The following CUX1 variants were observed in gnomAD, a reference collection of about 807,000 sequenced individuals.
The protein encoded by CUX1 is protein CASP.
In CUX1, 31 loss-of-function variants were observed where a neutral mutation model predicts 158.8. The ratio of observed to expected loss-of-function variants is 0.20; its 90% CI spans 0.15 to 0.26. The LOEUF (loss-of-function observed/expected upper bound fraction) is 0.26. Among genes scored for constraint, CUX1 ranks in the 10% least tolerant of loss-of-function variants. The probability of loss-of-function intolerance (pLI) is 1.00; values close to 1 mark genes in which losing one functional copy is unlikely to be tolerated. For missense variants in CUX1, 1,589 were observed against 2,014.6 expected, an observed-to-expected ratio of 0.79 and a Z score of 4.04; for synonymous variants, 879 against 862.1, an observed-to-expected ratio of 1.02 and a Z score of -0.34.
intron 7 of CUX1, among the ~76,000 whole-genome samples, chr7:102,113,672 C>T (rs1417926743): frequency 1.3e-5 from 2 of 152,196 alleles, no homozygotes; most frequent in Admixed American, 6.5e-5. Context: ...ATCCTCCTGC[C>T]TCAGCCTCCC....
chr7:101,915,169 G>C (rs1036022319), intron 1 of CUX1, among the ~76,000 whole-genome samples: 2 of 152,178 alleles, frequency 1.3e-5, no homozygotes, highest in Non-Finnish European at 2.9e-5. Context: ...AGGAAAACAG[G>C]CCTTTTGGTG....
Position 102,253,645 on chromosome 7 carries a change from G to A in CUX1, c.*4603G>A. 1.0e-6 allele frequency: 1 copy of A among 985,068 alleles called. No individual in the cohort carries two copies. Among genetic ancestry groups the A allele is most frequent in the Non-Finnish European group, 1.2e-6 (1 of 829,898 alleles). The allele number at this position is 985,068 out of a possible 1,614,324, so 61.0% of individuals were successfully genotyped here. ...ATGTCCTTCTGGGAGTCACACAAAA[G>A]CAGAGAGATTTTGAACTGAGGGGCG... On this transcript the variant is annotated 3_prime_UTR_variant, in exon 24 of 24. Transcript: ENST00000292535.
rs190218319 is a variant in CUX1, at chr7:102,235,327, G to A, written c.3622+1087G>A. On this transcript the variant is annotated intron_variant, in intron 22 of 23. Coordinates refer to ENST00000292535, the MANE Select transcript of CUX1 (RefSeq NM_181552.4). ...ACTGCATCCCTTAGGGGCAGAGACT[G>A]GGAACCAGCTGCTGCCGGTCTGACC... 2.5e-3 allele frequency among the ~76,000 whole-genome samples: 386 copies of A among 152,320 alleles called. 7 individuals are homozygous for A. Among genetic ancestry groups the A allele is most frequent in the Admixed American group, 0.022 (344 of 15,302 alleles).
intron 1 of CUX1, among the ~76,000 whole-genome samples, chr7:101,831,734 T>TTTATTTTTATTATTATTATTA (rs1794041484): frequency 6.8e-6 from 1 of 147,362 alleles, no homozygotes; most frequent in Admixed American, 6.8e-5. Context: ...GAGAAATAAC[T>TTTATTTTTATTATTATTATTA]TTATTATTAT....
chr7:102,279,128 G>T (rs1554548547), intron 18 of CUX1, among the ~76,000 whole-genome samples: 1 of 152,008 alleles, frequency 6.6e-6, no homozygotes, highest in Non-Finnish European at 1.5e-5. Context: ...ATCATTTGAG[G>T]TCAGGAGTTC....
At chr7:102,080,658 G>A (rs1401018619) in intron 4 of CUX1, among the ~76,000 whole-genome samples, 5 of 151,972 alleles carry the variant, frequency 3.3e-5, no homozygotes, top group African/African-American at 7.3e-5. Context: ...CAGTCTCCTC[G>A]CCACCCTGCG....
chr7:102,037,278 C>G (rs1401534821), intron 3 of CUX1, among the ~76,000 whole-genome samples: 1 of 151,988 alleles, frequency 6.6e-6, no homozygotes, highest in African/African-American at 2.4e-5. Context: ...AGTCTTAGAT[C>G]AAAGCTTTAA....
chr7:101,836,387 C>CAATA (rs1289370133), intron 1 of CUX1, among the ~76,000 whole-genome samples: 2 of 152,066 alleles, frequency 1.3e-5, no homozygotes, highest in Non-Finnish European at 2.9e-5. Context: ...CCACCCTGGG[C>CAATA]AATACAGTGA....
intron 2 of CUX1, among the ~76,000 whole-genome samples, chr7:101,986,874 T>C (rs191409017): frequency 3.3e-5 from 5 of 152,324 alleles, no homozygotes; most frequent in Admixed American, 2.6e-4. Context: ...AGGGCCCTGC[T>C]GCAGGGTCCT....
intron 2 of CUX1, among the ~76,000 whole-genome samples, chr7:101,979,813 C>T (rs921934747): frequency 1.3e-5 from 2 of 152,158 alleles, no homozygotes; most frequent in African/African-American, 4.8e-5. Context: ...CCATGCCCAG[C>T]TAATTTTTGT....
chr7:101,898,037 G>A (rs1185691160), intron 1 of CUX1, among the ~76,000 whole-genome samples: 1 of 152,142 alleles, frequency 6.6e-6, no homozygotes, highest in Non-Finnish European at 1.5e-5. Context: ...TGGCAGCCCC[G>A]AGGGGTCAGG....
At chr7:102,195,461 G>A in intron 13 of CUX1, 46 bp from the exon 14 acceptor site, 1 of 1,522,068 alleles carries the variant, frequency 6.6e-7, no homozygotes, top group Non-Finnish European at 8.9e-7. Context: ...CCGGGAGCGG[G>A]TGAGTGGCCG....
In CUX1 at chr7:101,953,346, G is replaced by A. The variant is rs150101692; in HGVS notation, c.141+37121G>A. Among the ~76,000 whole-genome samples the A allele has an allele frequency of 9.1e-4, 139 of 152,224 alleles. No homozygotes were observed. In the Middle Eastern group the frequency reaches 0.02, roughly 22 times the overall value. On this transcript the variant is annotated intron_variant, in intron 2 of 23. Transcript: ENST00000292535. ...GTAAGAAGCATTTAAATACATTCCC[G>A]GCCCTCATAATTGGTGGCTTCTTGG... is the stretch of plus-strand genomic sequence containing the variant.
At chr7:102,136,130 T>A (rs1243426578) in intron 8 of CUX1, among the ~76,000 whole-genome samples, 2 of 152,202 alleles carry the variant, frequency 1.3e-5, no homozygotes, top group Non-Finnish European at 2.9e-5. Context: ...ATAATATTGA[T>A]GATTTCTTCC....
chr7:102,266,623 C>T (rs1790832604), intron 14 of CUX1, among the ~76,000 whole-genome samples: 1 of 152,012 alleles, frequency 6.6e-6, no homozygotes, highest in Admixed American at 6.6e-5. Flanking sequence ...TGTGCAGCAG[C>T]GGCAAGAAGC....
At chr7:102,282,059 C>T in intron 21 of CUX1, 1 of 680,336 alleles carries the variant, frequency 1.5e-6, no homozygotes, top group Non-Finnish European at 2.7e-6. Context: ...ATGCCTCTCC[C>T]CTTCGAGAGC....
exon 23 of CUX1, chr7:102,283,187 G>T: frequency 9.8e-7 from 1 of 1,021,144 alleles, no homozygotes; most frequent in Non-Finnish European, 1.5e-6. Context: ...ATCCCCCATG[G>T]AAACTGCCCT....
intron 11 of CUX1, among the ~76,000 whole-genome samples, chr7:102,181,860 A>T (rs1310667653): frequency 1.3e-5 from 2 of 152,232 alleles, no homozygotes; most frequent in African/African-American, 4.8e-5. Context: ...TAATGTGTAT[A>T]ATGTATAGCC....
chr7:102,038,008 G>A (rs2129635304), intron 3 of CUX1, among the ~76,000 whole-genome samples: 1 of 150,268 alleles, frequency 6.7e-6, no homozygotes, highest in South Asian at 2.1e-4. Context: ...TGAGCTGAAA[G>A]CATTGCAGTC....
Sources: gnomAD v4.1 joint callset for allele counts (sites outside exome capture counted in the v4.1 genomes callset) on GRCh38, gnomAD v4.1.1 for gene constraint, MANE v1.5 for transcripts, NCBI Gene and HGNC (gene_info 2026-07-23, HGNC 2026-07-21) for gene names.